Variants in FAM220A observed in about 807,000 individuals in gnomAD.
FAM220A encodes family with sequence similarity 220 member A.
For missense variants in FAM220A, 392 were observed against 321.6 expected, an observed-to-expected ratio of 1.22 and a Z score of -1.68; for synonymous variants, 141 against 130.7, an observed-to-expected ratio of 1.08 and a Z score of -0.54.
At chr7:6,333,312 C>T (rs574361005) in intron 1 of FAM220A, among the ~76,000 whole-genome samples, 30 of 152,014 alleles carry the variant, frequency 2.0e-4, no homozygotes, top group African/African-American at 4.6e-4. Flanking sequence ...TGGAGCCAGC[C>T]GAGAAGCTTC....
At position 6,331,109 on chromosome 7, in the gene FAM220A, G is replaced by A. The variant is rs1401523895; in HGVS notation, c.46C>T (p.Gln16Ter). ...GPLGTCLAQV[Q>*]QAGGGDSDKL... Reference sequence around the variant, plus strand: ...TCCGAGTCACCTCCTCCGGCCTGCTGCACTTGTGCCAGGCAGGTGCCGAGG... The same window carrying A: ...TCCGAGTCACCTCCTCCGGCCTGCTACACTTGTGCCAGGCAGGTGCCGAGG... The change falls in exon 2 of 2, where the codon CAG (glutamine) becomes TAG (stop). Residue 16 changes from glutamine to a stop codon, truncating the protein, a stop_gained. Transcript: ENST00000313324. LOFTEE classifies it low-confidence loss of function (END_TRUNC). 6.2e-7 allele frequency: 1 copy of A among 1,613,344 alleles called. No homozygotes were observed. Among genetic ancestry groups the A allele is most frequent in the South Asian group, 1.1e-5 (1 of 91,088 alleles).
Position 6,330,674 on chromosome 7 carries a change from C to T in FAM220A, c.481G>A (p.Val161Met). ...RVSRLPRHQK[V>M]PEMGSFQDDP... is the part of the protein sequence containing the mutation. ...TCCTGAAAACTTCCCATTTCCGGCA[C>T]TTTTTGATGGCGTGGCAGTCGTGAC... Residue 161 changes from valine (V) to methionine (M), a missense_variant, in exon 2 of 2, where the codon GTG (valine) becomes ATG (methionine). By Grantham distance (21) the Val-to-Met change is conservative (BLOSUM62 1). Coordinates refer to ENST00000313324, the MANE Select transcript of FAM220A (RefSeq NM_001037163.2). 1.9e-6 allele frequency: 3 copies of T among 1,613,712 alleles called. No individual in the cohort carries two copies. Among genetic ancestry groups the T allele is most frequent in the Non-Finnish European group, 2.5e-6 (3 of 1,179,936 alleles).
rs1384811576 is a variant in FAM220A at position 6,348,671 on chromosome 7, G to C, written c.-180C>G. The stretch of plus-strand genomic sequence containing the variant: ...AGGTCGAAGAAGATGAGCAGCGTGC[G>C]AGTCAGCCCCTTGCAGAAGACCCCA... On this transcript the variant is annotated 5_prime_UTR_variant, in exon 1 of 2. Coordinates refer to ENST00000313324, the MANE Select transcript of FAM220A (RefSeq NM_001037163.2). 1 of 501,070 alleles carries C rather than the reference G, an allele frequency of 2.0e-6. No individual in the cohort carries two copies. Among genetic ancestry groups the C allele is most frequent in the East Asian group, 3.4e-5 (1 of 29,616 alleles). 31.0% of individuals were successfully genotyped at this position (501,070 alleles called of 1,614,324 possible).
At chr7:6,341,566 T>G (rs968437722) in intron 1 of FAM220A, among the ~76,000 whole-genome samples, 14 of 150,104 alleles carry the variant, frequency 9.3e-5, no homozygotes, top group African/African-American at 3.4e-4. Context: ...GGTGGGAGCC[T>G]GTAGTCCCAG....
chr7:6,344,224 G>A (rs528616557), intron 1 of FAM220A, among the ~76,000 whole-genome samples: 22 of 151,402 alleles, frequency 1.5e-4, no homozygotes, highest in Admixed American at 8.6e-4. Context: ...CCCTTTACCA[G>A]AAAGCCACAA....
chr7:6,332,957 G>C (rs376029859), intron 1 of FAM220A, among the ~76,000 whole-genome samples: 2 of 152,078 alleles, frequency 1.3e-5, no homozygotes, highest in African/African-American at 4.8e-5. Context: ...TCAGGAGTTC[G>C]AGACAAGCAT....
intron 1 of FAM220A, among the ~76,000 whole-genome samples, chr7:6,342,765 G>A (rs1477809232): frequency 1.3e-5 from 2 of 152,090 alleles, no homozygotes; most frequent in Non-Finnish European, 2.9e-5. Context: ...GGCCAGGTAT[G>A]ATGGCTCACA....
At chr7:6,337,260 C>A (rs1781765967) in intron 1 of FAM220A, among the ~76,000 whole-genome samples, 1 of 151,978 alleles carries the variant, frequency 6.6e-6, no homozygotes, top group South Asian at 2.1e-4. Context: ...TGTCTTCTCC[C>A]CTTTGGGACT....
chr7:6,331,524 G>C (rs932219417), intron 1 of FAM220A, among the ~76,000 whole-genome samples: 2 of 151,818 alleles, frequency 1.3e-5, no homozygotes, highest in African/African-American at 4.8e-5. Context: ...TGGGCGACCA[G>C]TTGCATGCCA....
At chr7:6,340,937 G>C (rs1314392555) in intron 1 of FAM220A, among the ~76,000 whole-genome samples, 5 of 119,956 alleles carry the variant, frequency 4.2e-5, no homozygotes, top group Non-Finnish European at 6.6e-5. Flanking sequence ...CTGTCATCCT[G>C]CCTAACATGG....
Position 6,329,433 on chromosome 7 carries a change from G to C in FAM220A, c.*942C>G, listed in dbSNP as rs766457270. 5 of 152,408 alleles carry C rather than the reference G, an allele frequency of 3.3e-5. No homozygotes were observed. Among genetic ancestry groups the C allele is most frequent in the Non-Finnish European group, 5.9e-5 (4 of 68,020 alleles). 9.4% of individuals were successfully genotyped at this position (152,408 alleles called of 1,614,324 possible). On this transcript the variant is annotated 3_prime_UTR_variant, in exon 2 of 2. Coordinates refer to ENST00000313324, the MANE Select transcript of FAM220A (RefSeq NM_001037163.2). Reference sequence around the variant, plus strand: ...ATATAAAATAAGACATATTTATTAAGCTAAAGAACAAATTTTATTTTTCAT... The same window carrying C: ...ATATAAAATAAGACATATTTATTAACCTAAAGAACAAATTTTATTTTTCAT...
chr7:6,339,632 C>T (rs1331018016), intron 1 of FAM220A, among the ~76,000 whole-genome samples: 6 of 151,756 alleles, frequency 4.0e-5, no homozygotes, highest in African/African-American at 7.3e-5. Flanking sequence ...TACAGGCGCC[C>T]GCCACCACGC....
chr7:6,345,754 T>C (rs1288704701), intron 1 of FAM220A, among the ~76,000 whole-genome samples: 1 of 151,872 alleles, frequency 6.6e-6, no homozygotes, highest in Non-Finnish European at 1.5e-5. Flanking sequence ...TAAAATCTGT[T>C]TTTTTGGTGG....
At chr7:6,341,279 C>T (rs193109312) in intron 1 of FAM220A, among the ~76,000 whole-genome samples, 5 of 149,056 alleles carry the variant, frequency 3.4e-5, no homozygotes, top group Admixed American at 2.0e-4. Flanking sequence ...CCCATCTCTA[C>T]GAAAATACAA....
chr7:6,333,520 A>G (rs1409150029), intron 1 of FAM220A, among the ~76,000 whole-genome samples: 2 of 152,146 alleles, frequency 1.3e-5, no homozygotes, highest in African/African-American at 2.4e-5. Flanking sequence ...TGTTTTTGAG[A>G]CGAGGTCTCA....
chr7:6,344,835 G>C (rs1399927708), intron 1 of FAM220A, among the ~76,000 whole-genome samples: 1 of 151,680 alleles, frequency 6.6e-6, no homozygotes, highest in African/African-American at 2.4e-5. Flanking sequence ...CCACCTCCCA[G>C]GGTTCAAGTA....
chr7:6,335,318 G>C lies in FAM220A; in HGVS notation c.-81-4083C>G, dbSNP rs149538163. Among the ~76,000 whole-genome samples the C allele has an allele frequency of 5.7e-3, 872 of 151,724 alleles. 9 individuals are homozygous for C. Among genetic ancestry groups the C allele is most frequent in the African/African-American group, 0.02 (840 of 41,390 alleles). ...GCTCACTACAACCTCTGCCTCCTGG[G>C]TTCAAGTGATTCTCCTGCCTCAACC... On this transcript the variant is annotated intron_variant, in intron 1 of 1. Transcript: ENST00000313324.
chr7:6,343,551 T>C (rs1781904272), intron 1 of FAM220A, among the ~76,000 whole-genome samples: 1 of 151,404 alleles, frequency 6.6e-6, no homozygotes, highest in Non-Finnish European at 1.5e-5. Context: ...ATTTTTAATC[T>C]TGCTTTTACT....
At chr7:6,333,432 C>T (rs546380386) in intron 1 of FAM220A, among the ~76,000 whole-genome samples, 7 of 152,160 alleles carry the variant, frequency 4.6e-5, no homozygotes, top group African/African-American at 1.2e-4. Flanking sequence ...GAGGCTGTTC[C>T]ACAGAGCAGG....
Sources: allele counts gnomAD v4.1 joint callset (sites outside exome capture counted in the v4.1 genomes callset), GRCh38; gene constraint gnomAD v4.1.1; transcripts MANE v1.5; gene names NCBI Gene and HGNC (gene_info 2026-07-23, HGNC 2026-07-21).